PRKACB: variants seen among roughly 807,000 people sequenced by gnomAD.
PRKACB encodes the protein protein kinase cAMP-activated catalytic subunit beta, also known as cAMP-dependent protein kinase catalytic subunit beta.
A neutral mutation model predicts 51.4 loss-of-function variants in PRKACB; 16 were observed. The ratio of observed to expected loss-of-function variants is 0.31; its 90% confidence interval spans 0.21 to 0.47. The LOEUF (loss-of-function observed/expected upper bound fraction) is 0.47, where lower values mean the gene tolerates loss of function less well. Ranked by LOEUF, PRKACB falls within the 20% of genes least tolerant of loss-of-function variation. The pLI, the probability that PRKACB is intolerant of heterozygous loss-of-function variation, is 1.00. For missense variants in PRKACB, 309 were observed against 464.5 expected (o/e 0.67, Z 3.08); for synonymous variants, 147 against 154.4 (o/e 0.95, Z 0.35).
intron 8 of PRKACB, among the ~76,000 whole-genome samples, chr1:84,204,051 A>G (rs901746392): frequency 6.6e-6 from 1 of 151,946 alleles, no homozygotes; most frequent in African/African-American, 2.4e-5. Context: ...TAAATCATAG[A>G]TGCTGCACAG....
intron 8 of PRKACB, among the ~76,000 whole-genome samples, chr1:84,212,192 T>C (rs953044961): frequency 6.6e-6 from 1 of 152,178 alleles, no homozygotes; most frequent in Non-Finnish European, 1.5e-5. Context: ...TTTCAAGCTT[T>C]TATGTACATA....
intron 1 of PRKACB, among the ~76,000 whole-genome samples, chr1:84,161,706 G>GTGGAA (rs1314315298): frequency 6.6e-6 from 1 of 151,690 alleles, no homozygotes; most frequent in Non-Finnish European, 1.5e-5. Context: ...CTTAATTCTA[G>GTGGAA]TGGAATAGAA....
chr1:84,181,078 A>C (rs1357260792), intron 2 of PRKACB, among the ~76,000 whole-genome samples: 2 of 152,046 alleles, frequency 1.3e-5, no homozygotes, highest in East Asian at 3.9e-4. Flanking sequence ...TGTGAAATCA[A>C]ACTATGATGA....
chr1:84,235,135 A>T, intron 9 of PRKACB, 45 bp from the exon 10 acceptor site: 9 of 1,558,284 alleles, frequency 5.8e-6, no homozygotes, highest in African/African-American at 2.8e-5. Flanking sequence ...ACTCTCAGGA[A>T]TTTTTTTTTC....
At chr1:84,203,607 G>A (rs1304968577) in intron 8 of PRKACB, among the ~76,000 whole-genome samples, 4 of 151,878 alleles carry the variant, frequency 2.6e-5, no homozygotes, top group Non-Finnish European at 2.9e-5. Context: ...CCCAGAAGGA[G>A]ACCTTCTATA....
chr1:84,232,171 G>A (rs1270903882), intron 9 of PRKACB, among the ~76,000 whole-genome samples: 10 of 151,932 alleles, frequency 6.6e-5, no homozygotes, highest in Admixed American at 2.0e-4. Context: ...CCTTCATTTC[G>A]TTATGTACCC....
At chr1:84,102,386 C>CA (rs1410352351) in intron 1 of PRKACB, among the ~76,000 whole-genome samples, 2 of 151,236 alleles carry the variant, frequency 1.3e-5, no homozygotes, top group Admixed American at 6.6e-5. Flanking sequence ...GACTCCATCT[C>CA]AAAAAAAATA....
chr1:84,173,305 C>A, intron 1 of PRKACB: 2 of 1,551,110 alleles, frequency 1.3e-6, no homozygotes, highest in Non-Finnish European at 1.8e-6. Flanking sequence ...GTTATTTAAT[C>A]TCTGTTTATT....
chr1:84,180,567 GAAAATAAAAGA>G (rs1262145817), intron 2 of PRKACB, among the ~76,000 whole-genome samples: 1 of 151,332 alleles, frequency 6.6e-6, no homozygotes, highest in East Asian at 1.9e-4. Flanking sequence ...ATAACTTATG[GAAAATAAAAGA>G]AAAATAAAAG....
intron 9 of PRKACB, among the ~76,000 whole-genome samples, chr1:84,230,521 G>C (rs1465109262): frequency 6.6e-5 from 10 of 152,138 alleles, no homozygotes; most frequent in Non-Finnish European, 1.5e-5. Flanking sequence ...ATTACCTTGG[G>C]CAGTATGGCC....
chr1:84,220,078 A>T (rs1437352829), intron 9 of PRKACB, among the ~76,000 whole-genome samples: 1 of 151,902 alleles, frequency 6.6e-6, no homozygotes, highest in Non-Finnish European at 1.5e-5. Context: ...CTGATTCATG[A>T]CCATGACCAT....
At chr1:84,170,382 CAG>C (rs1233923705) in intron 1 of PRKACB, among the ~76,000 whole-genome samples, 2 of 151,574 alleles carry the variant, frequency 1.3e-5, no homozygotes, top group African/African-American at 2.4e-5. Context: ...TTCCTGGGAA[CAG>C]GGGAGGGATG....
chr1:84,200,787 TG>T (rs1418243870), intron 7 of PRKACB, among the ~76,000 whole-genome samples: 1 of 152,086 alleles, frequency 6.6e-6, no homozygotes, highest in Non-Finnish European at 1.5e-5. Context: ...AAAGATCGGG[TG>T]GTCGTAGGTG....
intron 1 of PRKACB, among the ~76,000 whole-genome samples, chr1:84,116,533 C>T (rs547965726): frequency 1.3e-5 from 2 of 152,124 alleles, no homozygotes; most frequent in Admixed American, 6.5e-5. Flanking sequence ...AAATGCAGAG[C>T]TCTTTCACCT....
intron 2 of PRKACB, 132 bp from the exon 3 acceptor site, chr1:84,182,068 C>A: frequency 1.5e-6 from 1 of 687,178 alleles, no homozygotes. Context: ...ATCTCAATAG[C>A]TTTTTTGTAT....
intron 8 of PRKACB, among the ~76,000 whole-genome samples, chr1:84,206,392 G>A (rs1422195646): frequency 6.6e-6 from 1 of 152,098 alleles, no homozygotes; most frequent in African/African-American, 2.4e-5. Context: ...CTGTCTCCAG[G>A]TTTGATGATT....
At chr1:84,195,668 T>G (rs1668009272) in intron 5 of PRKACB, among the ~76,000 whole-genome samples, 1 of 152,086 alleles carries the variant, frequency 6.6e-6, no homozygotes, top group Admixed American at 6.6e-5. Flanking sequence ...ATCCCAGCAC[T>G]TTGGGAGGCT....
At chr1:84,215,315 A>G (rs1307677578) in intron 9 of PRKACB, among the ~76,000 whole-genome samples, 1 of 152,180 alleles carries the variant, frequency 6.6e-6, no homozygotes, top group African/African-American at 2.4e-5. Flanking sequence ...TACAATGATG[A>G]GCAAAACCAA....
chr1:84,196,646 G>C lies in PRKACB; in HGVS notation c.591G>C (p.Gln197His). Residue 197 changes from glutamine to histidine, a missense_variant, in exon 6 of 10, where the codon CAG becomes CAC. Coordinates refer to ENST00000370685, the MANE Select transcript of PRKACB (RefSeq NM_182948.4). The part of the protein sequence containing the change: ...SEPHARFYAA[Q>H]IVLTFEYLHS... ...CCCATGCACGGTTCTATGCAGCTCA[G>C]ATAGTGCTAACATTCGAGTACCTCC... is the stretch of plus-strand genomic sequence containing the variant. 6.2e-7 allele frequency: 1 copy of C among 1,613,696 alleles called. No individual in the cohort carries two copies. The highest frequency in any genetic ancestry group is 8.5e-7 in the Non-Finnish European group (1 of 1,179,726).
Sources: allele counts gnomAD v4.1 joint callset (sites outside exome capture counted in the v4.1 genomes callset), GRCh38; gene constraint gnomAD v4.1.1; transcripts MANE v1.5; gene names NCBI Gene and HGNC (gene_info 2026-07-23, HGNC 2026-07-21).